RSF1: variants seen among roughly 807,000 people sequenced by gnomAD.
RSF1 encodes the protein remodeling and spacing factor 1.
RSF1 carries 13 observed loss-of-function variants against 145.2 expected under a neutral mutation model. The ratio of observed to expected loss-of-function variants is 0.09; its 90% confidence interval spans 0.06 to 0.14. The LOEUF is 0.14. Among genes scored for constraint, RSF1 ranks in the 10% least tolerant of loss-of-function variants. The pLI is 1.00. For synonymous variants in RSF1, 577 were observed against 592.6 expected, an observed-to-expected ratio of 0.97 and a Z score of 0.38; for missense variants, 1,517 against 1,718.2, an observed-to-expected ratio of 0.88 and a Z score of 2.07.
chr11:77,694,184 G>A (rs973213002), intron 7 of RSF1, among the ~76,000 whole-genome samples: 1 of 152,110 alleles, frequency 6.6e-6, no homozygotes, highest in Non-Finnish European at 1.5e-5. Context: ...TTTTCATTCA[G>A]TATATAGTCA....
intron 1 of RSF1, among the ~76,000 whole-genome samples, chr11:77,778,249 TGGG>T (rs1418502290): frequency 8.8e-5 from 1 of 11,342 alleles, no homozygotes; most frequent in African/African-American, 4.3e-4. Context: ...GGGGAGAGCA[TGGG>T]GGAGGGAAGG....
upstream of RSF1, chr11:77,820,821 C>A: frequency 7.7e-6 from 9 of 1,169,782 alleles, no homozygotes; most frequent in Non-Finnish European, 1.1e-5. Context: ...CTCAAGTGGG[C>A]TCCTCTGCGG....
At chr11:77,705,474 T>C (rs1960526170) in intron 5 of RSF1, among the ~76,000 whole-genome samples, 1 of 152,248 alleles carries the variant, frequency 6.6e-6, no homozygotes, top group Admixed American at 6.5e-5. Flanking sequence ...TCTGTAATGA[T>C]ACATTGAATA....
chr11:77,702,785 T>G (rs1338755264), intron 5 of RSF1: 3 of 223,326 alleles, frequency 1.3e-5, no homozygotes, highest in Non-Finnish European at 2.6e-5. Context: ...TTCAAATAAT[T>G]TATTCAAATT....
intron 1 of RSF1, among the ~76,000 whole-genome samples, chr11:77,812,708 C>A (rs1238636165): frequency 6.6e-6 from 1 of 151,830 alleles, no homozygotes; most frequent in Non-Finnish European, 1.5e-5. Flanking sequence ...GCCAACATGG[C>A]GAAACCCCAT....
At chr11:77,672,268 A>C (rs1448466084) in intron 14 of RSF1, 38 bp from the exon 15 acceptor site, 2 of 1,513,652 alleles carry the variant, frequency 1.3e-6, no homozygotes, top group Non-Finnish European at 8.9e-7. Context: ...ACAAAATTTA[A>C]GTCTATTTAG....
At chr11:77,820,008 C>T (rs200823718) in intron 1 of RSF1, among the ~76,000 whole-genome samples, 1 of 152,170 alleles carries the variant, frequency 6.6e-6, no homozygotes, top group Non-Finnish European at 1.5e-5. Flanking sequence ...AGTTGAGTGT[C>T]CGCTGGCCCC....
intron 9 of RSF1, among the ~76,000 whole-genome samples, chr11:77,685,606 T>C (rs1590828723): frequency 6.6e-6 from 1 of 152,314 alleles, no homozygotes; most frequent in African/African-American, 2.4e-5. Flanking sequence ...ATGTTAGCTA[T>C]TAAGTATAAA....
Position 77,679,257 on chromosome 11 carries a change from T to C in RSF1, c.3066-1104A>G, listed in dbSNP as rs147384055. On this transcript the variant is annotated intron_variant, in intron 11 of 15. Coordinates refer to ENST00000308488, the MANE Select transcript of RSF1 (RefSeq NM_016578.4). Reference sequence around the variant, plus strand: ...TTATAAAAACCACTTTGAGGTCACGTTGTACAAAAACTAGAAGTGAGCTGA... The same window carrying C: ...TTATAAAAACCACTTTGAGGTCACGCTGTACAAAAACTAGAAGTGAGCTGA... Among the ~76,000 whole-genome samples the C allele has an allele frequency of 1.7e-4, 26 of 152,372 alleles. No homozygotes were observed. In the East Asian group the frequency reaches 5.0e-3, roughly 29 times the overall value.
At chr11:77,758,202 A>T (rs1948135213) in intron 2 of RSF1, among the ~76,000 whole-genome samples, 1 of 152,142 alleles carries the variant, frequency 6.6e-6, no homozygotes, top group African/African-American at 2.4e-5. Context: ...AGCAATAACA[A>T]GTCTACATGG....
intron 4 of RSF1, among the ~76,000 whole-genome samples, chr11:77,740,261 G>A (rs1002088570): frequency 9.9e-5 from 15 of 152,234 alleles, no homozygotes; most frequent in African/African-American, 3.6e-4. Flanking sequence ...TGTAATCCCA[G>A]CTACTTGGGA....
chr11:77,739,378 T>A (rs535972223), intron 4 of RSF1: 101 of 152,212 alleles, frequency 6.6e-4, no homozygotes, highest in African/African-American at 2.4e-3. Context: ...GAAACAGTGG[T>A]ATAATGTCAT....
intron 1 of RSF1, among the ~76,000 whole-genome samples, chr11:77,781,207 TCTC>T (rs1237627612): frequency 6.6e-6 from 1 of 152,116 alleles, no homozygotes; most frequent in African/African-American, 2.4e-5. Context: ...TTCATACAAT[TCTC>T]CTGCCTCAGC....
intron 4 of RSF1, among the ~76,000 whole-genome samples, chr11:77,729,413 T>G (rs1399644001): frequency 6.6e-6 from 1 of 152,106 alleles, no homozygotes; most frequent in Non-Finnish European, 1.5e-5. Flanking sequence ...GTACCTTAAG[T>G]TAATCTAGAC....
chr11:77,864,567 T>TA, the RSF1 span, among the ~76,000 whole-genome samples: 2 of 152,202 alleles, frequency 1.3e-5, no homozygotes, highest in African/African-American at 2.4e-5. Context: ...ACACTAGAAA[T>TA]AAACTCAGTG....
intron 1 of RSF1, among the ~76,000 whole-genome samples, chr11:77,774,545 C>G (rs1948320620): frequency 6.6e-6 from 1 of 151,188 alleles, no homozygotes; most frequent in Admixed American, 6.6e-5. Context: ...GCACTCCAGC[C>G]TGGCCACAGA....
chr11:77,700,147 T>G (rs745562665), intron 6 of RSF1, among the ~76,000 whole-genome samples: 2 of 151,610 alleles, frequency 1.3e-5, no homozygotes, highest in Non-Finnish European at 2.9e-5. Context: ...GGTCAAGAGA[T>G]CGAGATCATC....
At chr11:77,814,882 A>C (rs1261995353) in intron 1 of RSF1, among the ~76,000 whole-genome samples, 1 of 150,330 alleles carries the variant, frequency 6.7e-6, no homozygotes, top group Non-Finnish European at 1.5e-5. Context: ...GGAAACCCCC[A>C]AAATATGGTT....
chr11:77,701,331 T>C lies in RSF1; in HGVS notation c.1898A>G (p.Asn633Ser), dbSNP rs777566054. 5.6e-6 allele frequency: 9 copies of C among 1,613,948 alleles called. No homozygotes were observed. In the African/African-American group the frequency reaches 8.0e-5, roughly 14 times the overall value. ...TAGTTTCTCACAGTGGTCAATGATA[T>C]TAGATGGTGGAGAAGTTTCAGCTGC... ...PEAAETSPPS[N>S]IIDHCEKLAS... Residue 633 changes from asparagine (N) to serine (S), a missense_variant, in exon 6 of 16, where the codon AAT becomes AGT. By Grantham distance (46) the Asn-to-Ser change is conservative. This residue lies in a region of RSF1 where 579 missense variants were observed against 553.5 expected (regional missense o/e 1.05). Transcript: ENST00000308488.
Sources: gnomAD v4.1 joint callset for allele counts (sites outside exome capture counted in the v4.1 genomes callset) on GRCh38, gnomAD v4.1.1 for gene constraint, gnomAD v4.1.1 regional missense constraint, MANE v1.5 for transcripts, NCBI Gene and HGNC (gene_info 2026-07-23, HGNC 2026-07-21) for gene names.